Variants in FGF12 observed in about 807,000 individuals in gnomAD.
FGF12 encodes fibroblast growth factor 12, also known as fibroblast growth factor 12B.
A neutral mutation model predicts 23.6 loss-of-function variants in FGF12; 14 were observed. That is an observed-to-expected ratio of 0.59 (90% CI 0.39 to 0.93). The LOEUF (loss-of-function observed/expected upper bound fraction) is 0.93. Ranked by LOEUF, FGF12 falls within the 40% of genes least tolerant of loss-of-function variation. FGF12 has a pLI of 0.00. For missense variants in FGF12, 175 were observed against 217.8 expected (o/e 0.80, Z 1.24); for synonymous variants, 62 against 77.3 (o/e 0.80, Z 1.04).
intron 2 of FGF12, among the ~76,000 whole-genome samples, chr3:192,440,368 T>C (rs1722168470): frequency 6.6e-6 from 1 of 152,066 alleles, no homozygotes; most frequent in African/African-American, 2.4e-5. Context: ...ACGGGAGTAT[T>C]TTCCAGCAGC....
At position 192,170,438 on chromosome 3, in the gene FGF12, ACAGT is replaced by A. The variant is rs750247254; in HGVS notation, c.427+16_427+19del. Reference sequence around the variant, plus strand: ...ACACACAGATAAGGGTCCAACAAAGACAGTCAGTTGGTTTCATACCTTCAATAGG... The same window carrying A: ...ACACACAGATAAGGGTCCAACAAAGACAGTTGGTTTCATACCTTCAATAGG... On this transcript the variant is annotated intron_variant, in intron 5 of 5. Coordinates refer to ENST00000445105, the MANE Select transcript of FGF12 (RefSeq NM_004113.6). 4 of 1,607,202 alleles carry A rather than the reference ACAGT, an allele frequency of 2.5e-6. No individual in the cohort carries two copies. In the South Asian group the frequency reaches 3.3e-5, roughly 13 times the overall value.
intron 2 of FGF12, among the ~76,000 whole-genome samples, chr3:192,671,167 T>C (rs1282098582): frequency 6.6e-6 from 1 of 152,348 alleles, no homozygotes; most frequent in South Asian, 2.1e-4. Context: ...TGTTTTTACA[T>C]ACCAAGTAAA....
At chr3:192,664,592 T>TAAAAAAAAA (rs1716787466) in intron 2 of FGF12, among the ~76,000 whole-genome samples, 1 of 31,118 alleles carries the variant, frequency 3.2e-5, no homozygotes, top group Non-Finnish European at 7.2e-5. Context: ...CTACTAAAAA[T>TAAAAAAAAA]ACAAAAAAAA....
intron 4 of FGF12, among the ~76,000 whole-genome samples, chr3:192,226,983 T>C (rs193200276): frequency 6.6e-6 from 1 of 152,186 alleles, no homozygotes; most frequent in East Asian, 1.9e-4. Context: ...TTGCCCTCCT[T>C]CCGTGGGAGG....
intron 2 of FGF12, among the ~76,000 whole-genome samples, chr3:192,562,958 T>A (rs1712112622): frequency 6.6e-6 from 1 of 152,186 alleles, no homozygotes. Context: ...TTGGCTTACA[T>A]ACTCTTAGAC....
chr3:192,300,197 C>T (rs1450112992), intron 4 of FGF12, among the ~76,000 whole-genome samples: 2 of 152,168 alleles, frequency 1.3e-5, no homozygotes, highest in East Asian at 3.9e-4. Flanking sequence ...AAAATCTTAC[C>T]TACTCTGTCA....
At chr3:192,503,223 A>G (rs73889353) in intron 2 of FGF12, among the ~76,000 whole-genome samples, 3,051 of 152,310 alleles carry the variant, frequency 0.02, 108 homozygotes, top group African/African-American at 0.065. Flanking sequence ...GAGAAATAAA[A>G]GTGAATTTAC....
chr3:192,543,175 C>T (rs1725413846), intron 2 of FGF12, among the ~76,000 whole-genome samples: 1 of 152,158 alleles, frequency 6.6e-6, no homozygotes, highest in Admixed American at 6.5e-5. Flanking sequence ...TAGGAATCTA[C>T]CTGTTGCTCT....
intron 4 of FGF12, among the ~76,000 whole-genome samples, chr3:192,229,036 A>G (rs1016653113): frequency 6.6e-6 from 1 of 152,046 alleles, no homozygotes; most frequent in African/African-American, 2.4e-5. Flanking sequence ...AGCTTATTAT[A>G]TTGTGAGATT....
intron 2 of FGF12, among the ~76,000 whole-genome samples, chr3:192,491,459 T>C (rs1723801319): frequency 6.6e-6 from 1 of 152,180 alleles, no homozygotes. Flanking sequence ...TTTGCAATTC[T>C]TAAGGCAGCT....
rs113209499 is a variant in FGF12 at position 192,707,067 on chromosome 3, A to G, written c.13+20114T>C. On this transcript the variant is annotated intron_variant, in intron 2 of 5. Coordinates refer to ENST00000445105, the MANE Select transcript of FGF12 (RefSeq NM_004113.6). ...AGGACAAGAAAGGCCTTCATTACCC[A>G]TTTATTTCAGTTTCCGCTTTTGAGT... 4.7e-4 allele frequency among the ~76,000 whole-genome samples: 72 copies of G among 152,312 alleles called. No individual in the cohort carries two copies. The South Asian group carries it at 4.8e-3, about 10-fold the overall frequency.
At chr3:192,440,049 T>C (rs1722159238) in intron 2 of FGF12, among the ~76,000 whole-genome samples, 1 of 151,084 alleles carries the variant, frequency 6.6e-6, no homozygotes, top group Admixed American at 6.6e-5. Flanking sequence ...AAATGTTGAA[T>C]TGAGGTCCAG....
chr3:192,568,043 G>A (rs1474980075), intron 2 of FGF12, among the ~76,000 whole-genome samples: 1 of 151,856 alleles, frequency 6.6e-6, no homozygotes, highest in African/African-American at 2.4e-5. Flanking sequence ...ATGTTGGCCA[G>A]GCTGGTCTTG....
At chr3:192,542,356 T>G (rs1725390699) in intron 2 of FGF12, among the ~76,000 whole-genome samples, 1 of 152,218 alleles carries the variant, frequency 6.6e-6, no homozygotes, top group South Asian at 2.1e-4. Flanking sequence ...TTTAATTATT[T>G]GAATTCCTTT....
intron 4 of FGF12, among the ~76,000 whole-genome samples, chr3:192,331,745 C>G (rs1231330733): frequency 2.0e-5 from 3 of 151,886 alleles, no homozygotes; most frequent in Non-Finnish European, 4.4e-5. Context: ...TTTAGTTTTC[C>G]AGGATGGAAT....
intron 3 of FGF12, among the ~76,000 whole-genome samples, chr3:192,357,128 T>A (rs947580540): frequency 2.0e-5 from 3 of 152,206 alleles, no homozygotes; most frequent in Admixed American, 6.5e-5. Flanking sequence ...GTAAAAAGTA[T>A]AAAGGAATTC....
In FGF12 at chr3:192,173,202, C is replaced by T. The variant is rs758477856; in HGVS notation, c.229-2546G>A. Among the ~76,000 whole-genome samples, 3 of 150,570 alleles carry T rather than the reference C, an allele frequency of 2.0e-5. 1 individual carries two copies. Among genetic ancestry groups the T allele is most frequent in the African/African-American group, 4.9e-5 (2 of 41,176 alleles). Reference sequence around the variant, plus strand: ...GATGAAATGTTCTGGGATTAGATACCGGTGATGTTTGCAAAACTTTCTGAA... The same window carrying T: ...GATGAAATGTTCTGGGATTAGATACTGGTGATGTTTGCAAAACTTTCTGAA... On this transcript the variant is annotated intron_variant, in intron 4 of 5. Transcript: ENST00000445105.
At chr3:192,580,078 C>T (rs184777160) in intron 2 of FGF12, among the ~76,000 whole-genome samples, 5 of 152,278 alleles carry the variant, frequency 3.3e-5, no homozygotes, top group African/African-American at 9.6e-5. Flanking sequence ...AGACTAGGGT[C>T]CTCTTGACTT....
chr3:192,344,672 G>A (rs556661665), intron 3 of FGF12, among the ~76,000 whole-genome samples: 1 of 152,248 alleles, frequency 6.6e-6, no homozygotes, highest in East Asian at 1.9e-4. Context: ...ACAAAAATGA[G>A]CAGCATTGTG....
Sources: gnomAD v4.1 joint callset for allele counts (sites outside exome capture counted in the v4.1 genomes callset) on GRCh38, gnomAD v4.1.1 for gene constraint, MANE v1.5 for transcripts, NCBI Gene and HGNC (gene_info 2026-07-23, HGNC 2026-07-21) for gene names.